KIAA1217: variants seen among roughly 807,000 people sequenced by gnomAD.
KIAA1217 encodes the protein sickle tail protein homolog.
A neutral mutation model predicts 163.9 loss-of-function variants in KIAA1217; 88 were observed. The observed-to-expected ratio is 0.54, with a 90% CI of 0.45 to 0.64. The LOEUF (loss-of-function observed/expected upper bound fraction) is 0.64, where lower values mean the gene tolerates loss of function less well. KIAA1217 is among the 30% of genes least tolerant of loss of function. The pLI is 0.00. For missense variants in KIAA1217, 2,372 were observed against 2,475.0 expected (o/e 0.96, Z 0.88); for synonymous variants, 903 against 923.1 (o/e 0.98, Z 0.39).
intron 1 of KIAA1217, among the ~76,000 whole-genome samples, chr10:23,979,462 A>C (rs949742079): frequency 6.6e-6 from 1 of 152,136 alleles, no homozygotes; most frequent in Non-Finnish European, 1.5e-5. Flanking sequence ...CTTCCTCTTC[A>C]TGTCTTTCTT....
chr10:23,698,599 G>A (rs1232601938), intron 1 of KIAA1217, among the ~76,000 whole-genome samples: 2 of 152,156 alleles, frequency 1.3e-5, no homozygotes. Context: ...GTAGATTACC[G>A]AGTTTAGAAA....
chr10:24,313,023 A>T (rs892707851), intron 2 of KIAA1217, among the ~76,000 whole-genome samples: 4 of 152,192 alleles, frequency 2.6e-5, no homozygotes, highest in Non-Finnish European at 5.9e-5. Context: ...TAAATAATAG[A>T]TATTTAAGAA....
At chr10:24,100,180 G>T (rs1340800033) in intron 2 of KIAA1217, among the ~76,000 whole-genome samples, 2 of 151,648 alleles carry the variant, frequency 1.3e-5, no homozygotes, top group African/African-American at 4.8e-5. Flanking sequence ...AAGAAACAAG[G>T]GTCTGAGGCT....
intron 1 of KIAA1217, among the ~76,000 whole-genome samples, chr10:23,748,744 C>T (rs887782419): frequency 3.9e-5 from 6 of 152,090 alleles, no homozygotes; most frequent in East Asian, 1.9e-4. Flanking sequence ...CTCTTATCCA[C>T]GGTCCTGTGA....
intron 2 of KIAA1217, among the ~76,000 whole-genome samples, chr10:24,314,640 A>G (rs2043122979): frequency 6.6e-6 from 1 of 152,168 alleles, no homozygotes; most frequent in Non-Finnish European, 1.5e-5. Context: ...GGTATCTGTG[A>G]TCTGCAAAAT....
chr10:24,021,453 T>A (rs1847728518), intron 2 of KIAA1217, among the ~76,000 whole-genome samples: 2 of 152,010 alleles, frequency 1.3e-5, no homozygotes, highest in South Asian at 4.1e-4. Flanking sequence ...AAAGAAGATA[T>A]AAATAAATGA....
At chr10:24,343,461 G>T (rs1243907493) in intron 2 of KIAA1217, among the ~76,000 whole-genome samples, 1 of 152,208 alleles carries the variant, frequency 6.6e-6, no homozygotes, top group Non-Finnish European at 1.5e-5. Context: ...ATTGGATGAT[G>T]AGGTTTTTGG....
At chr10:24,116,525 T>C (rs1381963544) in intron 2 of KIAA1217, among the ~76,000 whole-genome samples, 3 of 152,172 alleles carry the variant, frequency 2.0e-5, no homozygotes, top group Non-Finnish European at 4.4e-5. Flanking sequence ...CAGAGGAATT[T>C]CTCAATTTTT....
intron 1 of KIAA1217, among the ~76,000 whole-genome samples, chr10:23,752,629 A>C (rs1439028692): frequency 6.6e-6 from 1 of 152,172 alleles, no homozygotes; most frequent in Non-Finnish European, 1.5e-5. Context: ...GCACTTTCTC[A>C]ATTTCCCTCA....
intron 1 of KIAA1217, among the ~76,000 whole-genome samples, chr10:23,739,564 A>G (rs1838994411): frequency 6.6e-6 from 1 of 152,184 alleles, no homozygotes; most frequent in Non-Finnish European, 1.5e-5. Context: ...AGAGAGGGAC[A>G]AGGGATGAGG....
At chr10:23,781,098 A>T (rs1410332948) in intron 1 of KIAA1217, among the ~76,000 whole-genome samples, 1 of 152,086 alleles carries the variant, frequency 6.6e-6, no homozygotes, top group Admixed American at 6.6e-5. Flanking sequence ...TGAGGTGCTG[A>T]TTTCATTTCC....
intron 2 of KIAA1217, among the ~76,000 whole-genome samples, chr10:24,049,699 G>T (rs1849344232): frequency 1.3e-5 from 2 of 152,114 alleles, no homozygotes; most frequent in East Asian, 3.9e-4. Context: ...TCTTTATCCA[G>T]TCTATCATTG....
chr10:24,223,898 C>G (rs1236762808), intron 2 of KIAA1217, among the ~76,000 whole-genome samples: 1 of 149,396 alleles, frequency 6.7e-6, no homozygotes, highest in Non-Finnish European at 1.5e-5. Flanking sequence ...TCATACCCGA[C>G]TGAAAATCTA....
intron 2 of KIAA1217, among the ~76,000 whole-genome samples, chr10:24,258,597 T>TTTTTTC (rs2075402668): frequency 6.6e-6 from 1 of 151,290 alleles, no homozygotes; most frequent in Non-Finnish European, 1.5e-5. Context: ...TTTTTTTTTT[T>TTTTTTC]TTTTTCTTTT....
At chr10:23,929,615 C>T (rs911801222) in intron 1 of KIAA1217, among the ~76,000 whole-genome samples, 10 of 152,262 alleles carry the variant, frequency 6.6e-5, no homozygotes, top group Admixed American at 6.5e-5. Flanking sequence ...CCTCCAGCTG[C>T]GTCCATGTTG....
At chr10:23,824,658 A>ATATATATATAT (rs1379535101) in intron 1 of KIAA1217, among the ~76,000 whole-genome samples, 9 of 53,040 alleles carry the variant, frequency 1.7e-4, no homozygotes, top group East Asian at 5.2e-4. Context: ...AAATAAAAAA[A>ATATATATATAT]ATATATATAT....
intron 1 of KIAA1217, among the ~76,000 whole-genome samples, chr10:23,983,246 C>A (rs1845843332): frequency 3.9e-5 from 6 of 152,120 alleles, no homozygotes; most frequent in Admixed American, 3.9e-4. Flanking sequence ...AGTCTCATAG[C>A]AGAGGAAGTA....
intron 1 of KIAA1217, among the ~76,000 whole-genome samples, chr10:23,940,078 A>C (rs2131332525): frequency 6.6e-6 from 1 of 152,200 alleles, no homozygotes; most frequent in African/African-American, 2.4e-5. Flanking sequence ...ATCAATCATC[A>C]AGAGGATGTA....
At chr10:24,222,903 C>T (rs1282653509) in intron 2 of KIAA1217, among the ~76,000 whole-genome samples, 1 of 152,154 alleles carries the variant, frequency 6.6e-6, no homozygotes, top group Non-Finnish European at 1.5e-5. Flanking sequence ...ATGGTTATTT[C>T]TTGATGATAT....
Sources: allele counts gnomAD v4.1 joint callset (sites outside exome capture counted in the v4.1 genomes callset), GRCh38; gene constraint gnomAD v4.1.1; transcripts MANE v1.5; gene names NCBI Gene and HGNC (gene_info 2026-07-23, HGNC 2026-07-21).